BTBD3: variants seen among roughly 807,000 people sequenced by gnomAD.
The protein encoded by BTBD3 is BTB domain containing 3.
In BTBD3, 14 loss-of-function variants were observed where a neutral mutation model predicts 41.6. The observed-to-expected ratio is 0.34, with a 90% confidence interval of 0.22 to 0.53. BTBD3 has a LOEUF of 0.53. Among genes scored for constraint, BTBD3 ranks in the 20% least tolerant of loss-of-function variants. The pLI is 0.95. For missense variants in BTBD3, 426 were observed against 654.7 expected, an observed-to-expected ratio of 0.65 and a Z score of 3.81; for synonymous variants, 249 against 233.7, an observed-to-expected ratio of 1.07 and a Z score of -0.60.
chr20:11,898,225 T>G (rs1328499348), intron 1 of BTBD3, among the ~76,000 whole-genome samples: 2 of 152,114 alleles, frequency 1.3e-5, no homozygotes, highest in African/African-American at 4.8e-5. Flanking sequence ...AACTGACCTC[T>G]TCTCCCGCTT....
intron 1 of BTBD3, among the ~76,000 whole-genome samples, chr20:11,912,822 CTTG>C (rs1159648837): frequency 6.6e-6 from 1 of 152,200 alleles, no homozygotes; most frequent in Non-Finnish European, 1.5e-5. Flanking sequence ...CTTAAGGTCA[CTTG>C]TTGTTAGCTC....
chr20:11,922,898 G>T lies in BTBD3; in HGVS notation c.801G>T (p.Gln267His). 4.3e-6 allele frequency: 7 copies of T among 1,614,228 alleles called. No individual in the cohort carries two copies. The highest frequency in any genetic ancestry group is 5.9e-6 in the Non-Finnish European group (7 of 1,180,056). ...AGGGATTCTGCGATATTGACTTCCA[G>T]ACACTAGAAAGTATTCTCCGTAGGG... ...KSEGFCDIDFQTLESILRRET... is the reference protein window; with the variant it reads ...KSEGFCDIDFHTLESILRRET... The change falls in exon 4 of 4, where the codon CAG becomes CAT. Residue 267 changes from glutamine to histidine, a missense_variant. Around this residue, in one of 3 missense-constraint regions of BTBD3, gnomAD observed 321 missense variants for 534.8 expected, o/e 0.60. Coordinates refer to ENST00000378226, the MANE Select transcript of BTBD3 (RefSeq NM_014962.4).
Position 11,924,308 on chromosome 20 carries a change from AT to A in BTBD3, c.*643del, listed in dbSNP as rs1468869773. 6.6e-6 allele frequency: 1 copy of A among 152,238 alleles called. No homozygotes were observed. The highest frequency in any genetic ancestry group is 2.4e-5 in the African/African-American group (1 of 41,458). The allele number at this position is 152,238 out of a possible 1,614,324, so 9.4% of individuals were successfully genotyped here. On this transcript the variant is annotated 3_prime_UTR_variant, in exon 4 of 4. Coordinates refer to ENST00000378226, the MANE Select transcript of BTBD3 (RefSeq NM_014962.4). ...GGAACTGGGGGCATTTGTTTAGGCC[AT>A]GACTTCTACAAGCAGATTTCTTTTC... is the stretch of plus-strand genomic sequence containing the variant.
intron 1 of BTBD3, chr20:11,891,253 C>G (rs1304148604): frequency 2.0e-5 from 3 of 151,434 alleles, no homozygotes; most frequent in Admixed American, 6.6e-5. Context: ...GCAGGGCCGC[C>G]TCAGCCGAAA....
intron 1 of BTBD3, among the ~76,000 whole-genome samples, chr20:11,898,601 G>C (rs937296026): frequency 6.6e-6 from 1 of 152,082 alleles, no homozygotes. Flanking sequence ...AATGTGTCCT[G>C]AGTGCCTAGC....
intron 3 of BTBD3, among the ~76,000 whole-genome samples, chr20:11,922,048 AAG>A (rs1199236187): frequency 6.6e-6 from 1 of 152,226 alleles, no homozygotes; most frequent in African/African-American, 2.4e-5. Context: ...GTGGAGAAGG[AAG>A]AGTTTTGAGT....
At chr20:11,920,615 G>C (rs1260349185) in intron 3 of BTBD3, among the ~76,000 whole-genome samples, 2 of 152,200 alleles carry the variant, frequency 1.3e-5, no homozygotes, top group Admixed American at 1.3e-4. Context: ...GTACTAGACA[G>C]TGTGGTAGTT....
At chr20:11,908,542 C>A (rs1344518923) in intron 1 of BTBD3, among the ~76,000 whole-genome samples, 1 of 151,768 alleles carries the variant, frequency 6.6e-6, no homozygotes, top group African/African-American at 2.4e-5. Context: ...CTTATTTTAG[C>A]ATTATTTCAT....
At chr20:11,903,429 T>A (rs1474888208) in intron 1 of BTBD3, among the ~76,000 whole-genome samples, 1 of 152,122 alleles carries the variant, frequency 6.6e-6, no homozygotes, top group Non-Finnish European at 1.5e-5. Context: ...TTATGTGAAG[T>A]TTGTAGGGAT....
chr20:11,893,908 A>G (rs1297470240), intron 1 of BTBD3, among the ~76,000 whole-genome samples: 2 of 152,224 alleles, frequency 1.3e-5, no homozygotes, highest in Non-Finnish European at 2.9e-5. Flanking sequence ...TGAAGTAAAT[A>G]TTAGAGACGT....
intron 1 of BTBD3, among the ~76,000 whole-genome samples, chr20:11,899,808 C>G (rs965311374): frequency 1.3e-5 from 2 of 152,094 alleles, no homozygotes; most frequent in South Asian, 4.1e-4. Flanking sequence ...TTGCAATTTA[C>G]TGTGCAAGCA....
intron 1 of BTBD3, among the ~76,000 whole-genome samples, chr20:11,893,692 A>G (rs1568606202): frequency 1.3e-5 from 2 of 152,350 alleles, no homozygotes; most frequent in Non-Finnish European, 2.9e-5. Flanking sequence ...AATTAAATAA[A>G]AAAATATTTC....
intron 1 of BTBD3, among the ~76,000 whole-genome samples, chr20:11,896,002 A>AG (rs1450464407): frequency 6.6e-6 from 1 of 152,090 alleles, no homozygotes; most frequent in Non-Finnish European, 1.5e-5. Flanking sequence ...CTGTCACTTA[A>AG]GTGGGGTTTA....
rs763405706 is a variant in BTBD3, at chr20:11,919,092, G to A, written c.333G>A (p.Ala111=). The change falls in exon 2 of 4, where the codon GCG becomes GCA. Residue 111 remains alanine, a synonymous_variant. Transcript: ENST00000378226. Reference sequence around the variant, plus strand: ...GAGTTGCCTCTGTTTATAGAAATGCGATGATGTTCAATAATGATTTGATGG... The same window carrying A: ...GAGTTGCCTCTGTTTATAGAAATGCAATGATGTTCAATAATGATTTGATGG... ...GLYPTIRERN[A]MMFNNDLMAD... 6 of 1,612,374 alleles carry A rather than the reference G, an allele frequency of 3.7e-6. No individual in the cohort carries two copies. Among genetic ancestry groups the A allele is most frequent in the South Asian group, 1.1e-5 (1 of 90,868 alleles).
chr20:11,923,698 A>G lies in BTBD3; in HGVS notation c.*32A>G, dbSNP rs2056992066. On this transcript the variant is annotated 3_prime_UTR_variant, in exon 4 of 4. Transcript: ENST00000378226. The surrounding 1 kb of genome is among the most constrained non-coding windows in gnomAD (Gnocchi z 5.3). ...ACTTCCTGAAGCAGCTTGAGCTCCA[A>G]AGTGCACATCTGGTTCCAACTTGCC... 9 of 1,559,358 alleles carry G rather than the reference A, an allele frequency of 5.8e-6. No individual in the cohort carries two copies. Among genetic ancestry groups the G allele is most frequent in the Non-Finnish European group, 7.8e-6 (9 of 1,151,568 alleles).
chr20:11,925,751 C>T lies in BTBD3; in HGVS notation c.*2085C>T, dbSNP rs934961142. The T allele has an allele frequency of 3.3e-5, 5 of 152,562 alleles. No homozygotes were observed. Among genetic ancestry groups the T allele is most frequent in the African/African-American group, 1.2e-4 (5 of 41,430 alleles). The allele number at this position is 152,562 out of a possible 1,614,324, so 9.5% of individuals were successfully genotyped here. On this transcript the variant is annotated 3_prime_UTR_variant, in exon 4 of 4. Transcript: ENST00000378226. ...GCCAGAGAAGAAACTTTAATTGCATCCTATCAGATTGTTGAGGTGGGTGTG... is the reference window on the plus strand; with the variant it reads ...GCCAGAGAAGAAACTTTAATTGCATTCTATCAGATTGTTGAGGTGGGTGTG...
At chr20:11,914,583 C>G (rs1335952337), upstream of BTBD3, among the ~76,000 whole-genome samples, 2 of 151,534 alleles carry the variant, frequency 1.3e-5, no homozygotes, top group Non-Finnish European at 2.9e-5. Flanking sequence ...ATGTAACTAA[C>G]CTGCACATTG....
rs2056993469 is a variant in BTBD3, at chr20:11,923,802, C to T, written c.*136C>T. The T allele has an allele frequency of 1.2e-6, 1 of 830,650 alleles. No individual in the cohort carries two copies. 51.5% of individuals were successfully genotyped at this position (830,650 alleles called of 1,614,324 possible). A position where few individuals can be genotyped will look rare whatever the true frequency, so the allele number is the denominator to read the frequency against. Reference sequence around the variant, plus strand: ...TGAAGCGGTAGGCAGGTTCTAATTTCTTTTAACCTTTTAATTATGTACAGG... The same window carrying T: ...TGAAGCGGTAGGCAGGTTCTAATTTTTTTTAACCTTTTAATTATGTACAGG... On this transcript the variant is annotated 3_prime_UTR_variant, in exon 4 of 4. Transcript: ENST00000378226. This position sits in a 1 kb window ranked among gnomAD's most constrained non-coding sequence, Gnocchi z 5.3.
intron 1 of BTBD3, among the ~76,000 whole-genome samples, chr20:11,908,909 T>G (rs1407051377): frequency 6.6e-6 from 1 of 152,188 alleles, no homozygotes; most frequent in Non-Finnish European, 1.5e-5. Flanking sequence ...TATTGTGTAC[T>G]TCACAACAGT....
Sources: gnomAD v4.1 joint callset for allele counts (sites outside exome capture counted in the v4.1 genomes callset) on GRCh38, gnomAD v4.1.1 for gene constraint, gnomAD v4.1.1 regional missense constraint, Gnocchi (gnomAD v3.1) non-coding constraint, MANE v1.5 for transcripts, NCBI Gene and HGNC (gene_info 2026-07-23, HGNC 2026-07-21) for gene names.